Variants in AOPEP observed in about 807,000 individuals in gnomAD.
AOPEP encodes the protein aminopeptidase O.
AOPEP carries 77 observed loss-of-function variants against 98.1 expected under a neutral mutation model. That is an observed-to-expected ratio of 0.78 (90% CI 0.65 to 0.95). AOPEP has a LOEUF of 0.95. AOPEP is among the 40% of genes least tolerant of loss of function. The probability of loss-of-function intolerance (pLI) is 0.00; values close to 1 mark genes in which losing one functional copy is unlikely to be tolerated. For missense variants in AOPEP, 1,024 were observed against 1,024.7 expected, an observed-to-expected ratio of 1.00 and a Z score of 0.01; for synonymous variants, 346 against 365.3, an observed-to-expected ratio of 0.95 and a Z score of 0.60.
intron 5 of AOPEP, among the ~76,000 whole-genome samples, chr9:94,820,658 A>G (rs1415777777): frequency 1.3e-5 from 2 of 152,238 alleles, no homozygotes; most frequent in African/African-American, 2.4e-5. Context: ...CAAAGATTTC[A>G]TTAACATACC....
the AOPEP span, among the ~76,000 whole-genome samples, chr9:95,137,395 G>A: frequency 6.6e-6 from 1 of 151,964 alleles, no homozygotes; most frequent in African/African-American, 2.4e-5. Flanking sequence ...GGGAGGGAGG[G>A]TACATTCACC....
At chr9:94,859,107 ACT>A (rs2044618937) in intron 5 of AOPEP, among the ~76,000 whole-genome samples, 1 of 151,236 alleles carries the variant, frequency 6.6e-6, no homozygotes, top group Non-Finnish European at 1.5e-5. Context: ...ACAGAGTGAG[ACT>A]CTGTCTCAAA....
At chr9:95,036,221 G>T (rs1008300854) in intron 13 of AOPEP, among the ~76,000 whole-genome samples, 2 of 152,092 alleles carry the variant, frequency 1.3e-5, no homozygotes, top group African/African-American at 4.8e-5. Context: ...CACTGATCTT[G>T]CCTGCTTTCT....
At position 94,857,489 on chromosome 9, in the gene AOPEP, T is replaced by A. The variant is rs200040224; in HGVS notation, c.1364+56487T>A. Among the ~76,000 whole-genome samples the A allele has an allele frequency of 3.3e-5, 5 of 152,352 alleles. No homozygotes were observed. In the East Asian group the frequency reaches 9.6e-4, roughly 29 times the overall value. The stretch of plus-strand genomic sequence containing the variant: ...CTGCTCTGGTAGGAGCGCATTTTCC[T>A]TGTCTTCTGGGAGGAGAGATTGAGA... On this transcript the variant is annotated intron_variant, in intron 5 of 16. Transcript: ENST00000375315.
At chr9:94,836,154 C>T (rs1394080457) in intron 5 of AOPEP, among the ~76,000 whole-genome samples, 1 of 152,042 alleles carries the variant, frequency 6.6e-6, no homozygotes, top group Non-Finnish European at 1.5e-5. Flanking sequence ...ATGTAATTGC[C>T]ATGTAACTTA....
At chr9:95,122,415 A>C in the AOPEP span, among the ~76,000 whole-genome samples, 1 of 152,096 alleles carries the variant, frequency 6.6e-6, no homozygotes, top group South Asian at 2.1e-4. Flanking sequence ...AAAGACAGGC[A>C]CTCAGGTCCA....
chr9:95,086,196 G>A lies in AOPEP; in HGVS notation c.*5-486G>A, dbSNP rs532171162. 1.2e-5 allele frequency: 15 copies of A among 1,298,860 alleles called. 1 individual carries two copies. The highest frequency in any genetic ancestry group is 6.0e-5 in the African/African-American group (4 of 66,116). 80.5% of individuals were successfully genotyped at this position (1,298,860 alleles called of 1,614,324 possible). On this transcript the variant is annotated intron_variant, in intron 16 of 16. Transcript: ENST00000375315. ...CCCGCGTCCACCCTGCGTCCACCCC[G>A]GCCCGGCGGCAGCACGGTGCCAGTC...
At chr9:94,779,530 T>C (rs962646103) in intron 3 of AOPEP, among the ~76,000 whole-genome samples, 1 of 152,164 alleles carries the variant, frequency 6.6e-6, no homozygotes, top group Non-Finnish European at 1.5e-5. Flanking sequence ...TCAAAAACTA[T>C]AGATCTAAGA....
chr9:94,945,500 G>C (rs1276428529), intron 7 of AOPEP, among the ~76,000 whole-genome samples: 1 of 152,188 alleles, frequency 6.6e-6, no homozygotes, highest in Non-Finnish European at 1.5e-5. Flanking sequence ...TGGCAAGGCT[G>C]AGAAGAGAGC....
the AOPEP span, among the ~76,000 whole-genome samples, chr9:95,116,301 A>C: frequency 2.6e-5 from 4 of 152,226 alleles, no homozygotes; most frequent in African/African-American, 9.6e-5. Context: ...CTTGTTAATA[A>C]AGTTTTCCCA....
chr9:94,940,610 A>AATAG (rs1169566062), intron 7 of AOPEP, among the ~76,000 whole-genome samples: 5 of 151,896 alleles, frequency 3.3e-5, no homozygotes, highest in Non-Finnish European at 5.9e-5. Context: ...TAAATAAATA[A>AATAG]ATAATAAAAT....
the AOPEP span, among the ~76,000 whole-genome samples, chr9:95,108,109 A>G: frequency 5.9e-5 from 9 of 152,332 alleles, no homozygotes; most frequent in African/African-American, 2.2e-4. Flanking sequence ...GAGAATTCCC[A>G]TGACCGATTT....
At chr9:94,915,930 T>A (rs1178773670) in intron 5 of AOPEP, among the ~76,000 whole-genome samples, 1 of 151,976 alleles carries the variant, frequency 6.6e-6, no homozygotes, top group African/African-American at 2.4e-5. Flanking sequence ...ACCCAAAGAG[T>A]GTATTTCAAA....
the AOPEP span, chr9:95,135,316 T>C: frequency 6.2e-7 from 1 of 1,609,550 alleles, no homozygotes; most frequent in Non-Finnish European, 8.5e-7. Flanking sequence ...CCTTCAAGGA[T>C]TTTTCCCTTC....
intron 14 of AOPEP, among the ~76,000 whole-genome samples, chr9:95,062,241 G>A (rs967239089): frequency 4.3e-4 from 49 of 114,030 alleles, no homozygotes; most frequent in African/African-American, 1.4e-3. Context: ...ACCTGCCCAG[G>A]CTAACGGGGC....
At chr9:95,090,452 G>A (rs1490312422), downstream of AOPEP, among the ~76,000 whole-genome samples, 1 of 152,214 alleles carries the variant, frequency 6.6e-6, no homozygotes, top group African/African-American at 2.4e-5. Context: ...CTGAACACAG[G>A]CTGCGCCAAC....
At chr9:95,095,472 G>A in the AOPEP span, among the ~76,000 whole-genome samples, 2 of 152,220 alleles carry the variant, frequency 1.3e-5, no homozygotes, top group Admixed American at 6.5e-5. Context: ...GTGTAGAAGA[G>A]CTTTAGAAGT....
intron 14 of AOPEP, among the ~76,000 whole-genome samples, chr9:95,067,981 C>T (rs928043485): frequency 6.6e-6 from 1 of 152,124 alleles, no homozygotes; most frequent in Admixed American, 6.6e-5. Flanking sequence ...ATAATGTTTT[C>T]GGGGATCATC....
At chr9:95,150,195 CT>C in the AOPEP span, 1 of 1,142,546 alleles carries the variant, frequency 8.8e-7, no homozygotes, top group South Asian at 1.3e-5. Flanking sequence ...CCTGTTTTGC[CT>C]CTAAATAAAG....
Sources: gnomAD v4.1 joint callset for allele counts (sites outside exome capture counted in the v4.1 genomes callset) on GRCh38, gnomAD v4.1.1 for gene constraint, MANE v1.5 for transcripts, NCBI Gene and HGNC (gene_info 2026-07-23, HGNC 2026-07-21) for gene names.